The following PSTPIP2 variants were observed in gnomAD, a reference collection of about 807,000 sequenced individuals.
PSTPIP2 encodes proline-serine-threonine phosphatase interacting protein 2, also known as proline-serine-threonine phosphatase-interacting protein 2.
Under a neutral mutation model 63.3 loss-of-function variants are expected in PSTPIP2, and 33 were observed. That is an observed-to-expected ratio of 0.52 (90% confidence interval 0.40 to 0.70). The LOEUF is 0.70. Among genes scored for constraint, PSTPIP2 ranks in the 30% least tolerant of loss-of-function variants. PSTPIP2 has a pLI of 0.00. For missense variants in PSTPIP2, 312 were observed against 400.7 expected (o/e 0.78, Z 1.89); for synonymous variants, 125 against 132.7 (o/e 0.94, Z 0.40).
chr18:45,987,758 T>G (rs1441703792), intron 14 of PSTPIP2, among the ~76,000 whole-genome samples: 1 of 152,190 alleles, frequency 6.6e-6, no homozygotes, highest in African/African-American at 2.4e-5. Context: ...TACTTTGGCT[T>G]CTGAGGCATT....
rs573412992 is a variant in PSTPIP2, at chr18:46,053,895, C to T, written c.34-13848G>A. Reference sequence around the variant, plus strand: ...GCTACACACTGTATGACTCCAACTACAATCATATGTCACTCAACAATGGGG... The same window carrying T: ...GCTACACACTGTATGACTCCAACTATAATCATATGTCACTCAACAATGGGG... On this transcript the variant is annotated intron_variant, in intron 1 of 14. Coordinates refer to ENST00000409746, the MANE Select transcript of PSTPIP2 (RefSeq NM_024430.4). Among the ~76,000 whole-genome samples the T allele has an allele frequency of 7.9e-5, 12 of 152,316 alleles. No homozygotes were observed. The South Asian group carries it at 2.5e-3, about 32-fold the overall frequency.
intron 3 of PSTPIP2, among the ~76,000 whole-genome samples, chr18:46,019,400 G>T (rs571794142): frequency 6.6e-6 from 1 of 151,910 alleles, no homozygotes; most frequent in African/African-American, 2.4e-5. Context: ...GAACATTTGC[G>T]CCAGTTATTA....
intron 2 of PSTPIP2, among the ~76,000 whole-genome samples, chr18:46,027,304 ATAAAT>A (rs1163162358): frequency 0.011 from 534 of 46,760 alleles, 9 homozygotes; most frequent in African/African-American, 0.024. Flanking sequence ...TCAAAAATAA[ATAAAT>A]AAATAAATAA....
chr18:46,040,201 TC>T, intron 1 of PSTPIP2, 154 bp from the exon 2 acceptor site: 2 of 513,794 alleles, frequency 3.9e-6, no homozygotes, highest in Admixed American at 7.5e-5. Context: ...CTGTCAGGCT[TC>T]TCCACCCCCA....
At chr18:46,038,001 G>A (rs1033979172) in intron 2 of PSTPIP2, among the ~76,000 whole-genome samples, 5 of 152,238 alleles carry the variant, frequency 3.3e-5, no homozygotes, top group African/African-American at 7.2e-5. Context: ...TTGGACTAGC[G>A]TTTTTCAACT....
At position 46,040,060 on chromosome 18, in the gene PSTPIP2, C is replaced by T; in HGVS notation, c.34-13G>A. The T allele has an allele frequency of 6.3e-7, 1 of 1,577,956 alleles. No homozygotes were observed. On this transcript the variant is annotated splice_polypyrimidine_tract_variant and intron_variant, in intron 1 of 14. Transcript: ENST00000409746. ...GGATGTCTGCACTCTGGGGGAAAGA[C>T]AACATGGCATCAGACCAGGAACAGA... is the stretch of plus-strand genomic sequence containing the variant.
intron 1 of PSTPIP2, among the ~76,000 whole-genome samples, chr18:46,045,092 T>G (rs1908335133): frequency 6.6e-6 from 1 of 152,188 alleles, no homozygotes; most frequent in African/African-American, 2.4e-5. Flanking sequence ...CTTGTGGAAG[T>G]CAGTGTGGCG....
intron 6 of PSTPIP2, among the ~76,000 whole-genome samples, chr18:46,003,581 T>A (rs746403669): frequency 4.6e-5 from 7 of 152,040 alleles, no homozygotes; most frequent in Non-Finnish European, 7.4e-5. Context: ...TTATTTATTT[T>A]TTTTATTTTT....
intron 2 of PSTPIP2, among the ~76,000 whole-genome samples, chr18:46,038,838 C>T (rs573167295): frequency 1.3e-5 from 2 of 152,268 alleles, no homozygotes; most frequent in South Asian, 4.1e-4. Context: ...TGGTTGCTGT[C>T]ATAATTTACA....
intron 5 of PSTPIP2, among the ~76,000 whole-genome samples, chr18:46,009,979 A>G (rs2144081020): frequency 6.6e-6 from 1 of 152,328 alleles, no homozygotes; most frequent in South Asian, 2.1e-4. Context: ...AGCACCTGAC[A>G]GGGTGTTCCC....
intron 5 of PSTPIP2, among the ~76,000 whole-genome samples, chr18:46,008,962 C>G (rs954192558): frequency 6.6e-6 from 1 of 152,078 alleles, no homozygotes; most frequent in Non-Finnish European, 1.5e-5. Flanking sequence ...TTTTGGGAGG[C>G]CTTCCCAAGC....
At chr18:46,054,661 T>C (rs1398903692) in intron 1 of PSTPIP2, among the ~76,000 whole-genome samples, 4 of 138,926 alleles carry the variant, frequency 2.9e-5, no homozygotes, top group Non-Finnish European at 6.0e-5. Flanking sequence ...TAAAACCTAC[T>C]AATTTTTTTT....
At chr18:46,034,364 C>A (rs148376778) in intron 2 of PSTPIP2, among the ~76,000 whole-genome samples, 1 of 152,154 alleles carries the variant, frequency 6.6e-6, no homozygotes, top group East Asian at 1.9e-4. Flanking sequence ...TGTTCTTCTT[C>A]GGAGAATACA....
chr18:45,992,124 T>C lies in PSTPIP2; in HGVS notation c.820A>G (p.Thr274Ala), dbSNP rs1236145322. ...DIEYFVNQRK[T>A]GQIPPAPIMY... is the part of the protein sequence containing the mutation. The stretch of plus-strand genomic sequence containing the variant: ...CATTCACCTGGTGGAATCTGTCCAG[T>C]TTTGCGTTGATTCACAAAGTATTCA... Residue 274 changes from threonine (T) to alanine (A), a missense_variant, in exon 11 of 15, where the codon ACT becomes GCT. By Grantham distance (58) the Thr-to-Ala change is moderately conservative (BLOSUM62 0). Transcript: ENST00000409746. 1 of 1,608,350 alleles carries C rather than the reference T, an allele frequency of 6.2e-7. No individual in the cohort carries two copies. Among genetic ancestry groups the C allele is most frequent in the Non-Finnish European group, 8.5e-7 (1 of 1,177,068 alleles).
intron 4 of PSTPIP2, among the ~76,000 whole-genome samples, chr18:46,012,485 A>G (rs1013711849): frequency 2.0e-5 from 3 of 152,222 alleles, no homozygotes; most frequent in African/African-American, 7.2e-5. Context: ...TACAATTAAA[A>G]AAGAGTTGGC....
At chr18:46,018,345 G>A (rs2051873161) in intron 3 of PSTPIP2, among the ~76,000 whole-genome samples, 1 of 152,090 alleles carries the variant, frequency 6.6e-6, no homozygotes, top group East Asian at 1.9e-4. Flanking sequence ...CTCAGGAGAT[G>A]CAACCACTCC....
intron 1 of PSTPIP2, among the ~76,000 whole-genome samples, chr18:46,049,008 ATGTGTGTGTGTGTGTGTGTGTG>A (rs59638072): frequency 2.9e-5 from 4 of 136,372 alleles, no homozygotes; most frequent in East Asian, 4.2e-4. Context: ...GAAAAAAAGC[ATGTGTGTGTGTGTGTGTGTGTG>A]TGTGTGTGTG....
intron 2 of PSTPIP2, among the ~76,000 whole-genome samples, chr18:46,035,426 A>G (rs369874842): frequency 5.2e-5 from 2 of 38,286 alleles, no homozygotes; most frequent in African/African-American, 9.7e-5. Context: ...TCTTAAAAAA[A>G]AAAAAAGAAA....
intron 14 of PSTPIP2, among the ~76,000 whole-genome samples, chr18:45,988,144 A>G (rs188108902): frequency 8.5e-5 from 13 of 152,290 alleles, no homozygotes; most frequent in East Asian, 1.9e-4. Flanking sequence ...AAGAGCAGAT[A>G]AAGAGGGCTG....
Sources: allele counts gnomAD v4.1 joint callset (sites outside exome capture counted in the v4.1 genomes callset), GRCh38; gene constraint gnomAD v4.1.1; transcripts MANE v1.5; gene names NCBI Gene and HGNC (gene_info 2026-07-23, HGNC 2026-07-21).